The following DEPTOR variants were observed in gnomAD, a reference collection of about 807,000 sequenced individuals.
DEPTOR encodes the protein DEP domain-containing mTOR-interacting protein.
Under a neutral mutation model 41.6 loss-of-function variants are expected in DEPTOR, and 41 were observed. The ratio of observed to expected loss-of-function variants is 0.98; its 90% CI spans 0.77 to 1.28. DEPTOR has a LOEUF of 1.28. Ranked by LOEUF, DEPTOR falls within the 50% of genes most tolerant of loss-of-function variation. DEPTOR has a pLI of 0.00. For missense variants in DEPTOR, 514 were observed against 527.9 expected (o/e 0.97, Z 0.26); for synonymous variants, 195 against 192.3 (o/e 1.01, Z -0.12).
At chr8:119,911,444 A>C (rs1827735714) in intron 1 of DEPTOR, among the ~76,000 whole-genome samples, 1 of 149,032 alleles carries the variant, frequency 6.7e-6, no homozygotes, top group Non-Finnish European at 1.5e-5. Flanking sequence ...TCAGCCTCCC[A>C]AGCAGCTGGG....
At chr8:119,990,167 GT>G (rs202082331) in intron 4 of DEPTOR, among the ~76,000 whole-genome samples, 3 of 151,262 alleles carry the variant, frequency 2.0e-5, no homozygotes, top group South Asian at 2.1e-4. Context: ...TGTTTATTTA[GT>G]TTTTTTTTGA....
intron 1 of DEPTOR, among the ~76,000 whole-genome samples, chr8:119,905,744 G>A (rs956700357): frequency 1.3e-5 from 2 of 151,358 alleles, no homozygotes; most frequent in African/African-American, 4.9e-5. Flanking sequence ...AGGTTCAAGC[G>A]ATTCTCCTGC....
intron 8 of DEPTOR, among the ~76,000 whole-genome samples, chr8:120,009,897 A>G (rs1430421620): frequency 1.3e-5 from 2 of 152,086 alleles, no homozygotes; most frequent in East Asian, 1.9e-4. Context: ...CCCTCAACCA[A>G]TACTGAATTT....
chr8:119,901,122 T>C (rs1044577768), intron 1 of DEPTOR, among the ~76,000 whole-genome samples: 1 of 152,222 alleles, frequency 6.6e-6, no homozygotes, highest in Non-Finnish European at 1.5e-5. Flanking sequence ...AGAGTGTTTG[T>C]ACTTAATTGA....
chr8:120,021,915 T>C (rs1362960177), intron 8 of DEPTOR, among the ~76,000 whole-genome samples: 1 of 151,754 alleles, frequency 6.6e-6, no homozygotes, highest in East Asian at 1.9e-4. Context: ...GAAGCTGAGG[T>C]GGGAGGATCA....
intron 8 of DEPTOR, among the ~76,000 whole-genome samples, chr8:120,030,537 C>T (rs1375140482): frequency 3.9e-5 from 3 of 77,514 alleles, no homozygotes; most frequent in Non-Finnish European, 7.5e-5. Flanking sequence ...GCTGGAGTCT[C>T]ACTGTGTTGC....
chr8:120,042,504 C>A (rs1024804044), intron 8 of DEPTOR, among the ~76,000 whole-genome samples: 21 of 152,064 alleles, frequency 1.4e-4, no homozygotes, highest in African/African-American at 4.3e-4. Flanking sequence ...TTCTAACAGC[C>A]TAAATCTATT....
chr8:119,968,449 G>T (rs1467745933), intron 4 of DEPTOR, among the ~76,000 whole-genome samples: 3 of 151,782 alleles, frequency 2.0e-5, no homozygotes, highest in Non-Finnish European at 4.4e-5. Context: ...GAGTAGCTGT[G>T]CACCACCACA....
At chr8:119,901,560 C>T (rs1015221260) in intron 1 of DEPTOR, among the ~76,000 whole-genome samples, 3 of 151,620 alleles carry the variant, frequency 2.0e-5, no homozygotes, top group African/African-American at 7.3e-5. Context: ...CCTATAGTCC[C>T]AACTACTTGG....
At chr8:119,946,986 G>A (rs888067590) in intron 3 of DEPTOR, among the ~76,000 whole-genome samples, 1 of 152,180 alleles carries the variant, frequency 6.6e-6, no homozygotes, top group African/African-American at 2.4e-5. Context: ...GGTCAGCTCT[G>A]AGGGGCGTGT....
intron 4 of DEPTOR, among the ~76,000 whole-genome samples, chr8:119,966,175 C>T (rs1828558404): frequency 6.6e-6 from 1 of 152,064 alleles, no homozygotes; most frequent in South Asian, 2.1e-4. Context: ...CATGAGACTC[C>T]CATTCCAAGT....
chr8:120,003,002 C>G lies in DEPTOR; in HGVS notation c.816C>G (p.Ile272Met). The change falls in exon 6 of 9, where the codon ATC (isoleucine) becomes ATG (methionine). Residue 272 changes from isoleucine to methionine, a missense_variant. By Grantham distance (10) the Ile-to-Met change is conservative. Coordinates refer to ENST00000286234, the MANE Select transcript of DEPTOR (RefSeq NM_022783.4). ...TGAGCCCCAGCAAGGAGATCAAGAT[C>G]GTGTCTGCAGTGAGGAGAAGCAGCA... ...MSVSPSKEIKIVSAVRRSSMS... is the reference protein window; with the variant it reads ...MSVSPSKEIKMVSAVRRSSMS... The G allele has an allele frequency of 6.3e-7, 1 of 1,586,596 alleles. No individual in the cohort carries two copies. Among genetic ancestry groups the G allele is most frequent in the Non-Finnish European group, 8.6e-7 (1 of 1,167,134 alleles).
intron 1 of DEPTOR, among the ~76,000 whole-genome samples, chr8:119,915,462 G>A (rs1827799090): frequency 6.6e-6 from 1 of 152,224 alleles, no homozygotes; most frequent in South Asian, 2.1e-4. Flanking sequence ...TTGCAGGGCT[G>A]TCACAAACAG....
At chr8:119,993,196 C>T (rs1812202551) in intron 4 of DEPTOR, among the ~76,000 whole-genome samples, 1 of 152,178 alleles carries the variant, frequency 6.6e-6, no homozygotes, top group Admixed American at 6.6e-5. Context: ...TTTTGGTAAA[C>T]TACATGACAT....
At chr8:120,029,476 A>G (rs1389454671) in intron 8 of DEPTOR, among the ~76,000 whole-genome samples, 1 of 151,828 alleles carries the variant, frequency 6.6e-6, no homozygotes, top group Admixed American at 6.6e-5. Context: ...GCTCACTGCA[A>G]CCTCTATCTC....
intron 8 of DEPTOR, among the ~76,000 whole-genome samples, chr8:120,031,762 G>A (rs2130173352): frequency 6.6e-6 from 1 of 152,234 alleles, no homozygotes; most frequent in South Asian, 2.1e-4. Flanking sequence ...AAATTAGGCA[G>A]CCTTGATACT....
chr8:119,921,961 G>T (rs991725872), intron 1 of DEPTOR, among the ~76,000 whole-genome samples: 1 of 151,850 alleles, frequency 6.6e-6, no homozygotes, highest in African/African-American at 2.4e-5. Flanking sequence ...AATAGGCTGG[G>T]CGCAGTAGCT....
rs550924999 is a variant in DEPTOR, at chr8:120,047,939, G to A, written c.1102-1637G>A. On this transcript the variant is annotated intron_variant, in intron 8 of 8. Transcript: ENST00000286234. ...CACACACCTGTAATCCCAGCTACTC[G>A]GGAGGCTGAGGTGGGAGGATCGCTT... Among the ~76,000 whole-genome samples the A allele has an allele frequency of 2.0e-5, 3 of 152,126 alleles. No individual in the cohort carries two copies. The East Asian group carries it at 5.8e-4, about 30-fold the overall frequency.
intron 8 of DEPTOR, among the ~76,000 whole-genome samples, chr8:120,045,056 GA>G (rs1255375421): frequency 6.6e-6 from 1 of 152,194 alleles, no homozygotes; most frequent in East Asian, 1.9e-4. Flanking sequence ...GAACACCTGT[GA>G]CAGAGGGTCT....
Sources: gnomAD v4.1 joint callset for allele counts (sites outside exome capture counted in the v4.1 genomes callset) on GRCh38, gnomAD v4.1.1 for gene constraint, MANE v1.5 for transcripts, NCBI Gene and HGNC (gene_info 2026-07-23, HGNC 2026-07-21) for gene names.